Variants in SPOCK3 observed in about 807,000 individuals in gnomAD.
The protein encoded by SPOCK3 is SPARC (osteonectin), cwcv and kazal like domains proteoglycan 3, also known as testican-3.
SPOCK3 carries 30 observed loss-of-function variants against 56.6 expected under a neutral mutation model. The observed-to-expected ratio is 0.53, with a 90% CI of 0.40 to 0.72. SPOCK3 has a LOEUF of 0.72. Among genes scored for constraint, SPOCK3 ranks in the 30% least tolerant of loss-of-function variants. The probability of loss-of-function intolerance (pLI) is 0.00; values close to 1 mark genes in which losing one functional copy is unlikely to be tolerated. For missense variants in SPOCK3, 527 were observed against 530.0 expected, an observed-to-expected ratio of 0.99 and a Z score of 0.06; for synonymous variants, 196 against 183.3, an observed-to-expected ratio of 1.07 and a Z score of -0.56.
At chr4:166,990,672 C>T (rs534160064) in intron 4 of SPOCK3, among the ~76,000 whole-genome samples, 3 of 152,038 alleles carry the variant, frequency 2.0e-5, no homozygotes, top group South Asian at 4.1e-4. Context: ...CTCTAATTTA[C>T]CCAAAATGTT....
chr4:166,957,932 C>T (rs1056751328), intron 4 of SPOCK3, among the ~76,000 whole-genome samples: 31 of 152,082 alleles, frequency 2.0e-4, no homozygotes, highest in African/African-American at 5.3e-4. Context: ...AATGCTGGAA[C>T]AGGTGAAGAA....
intron 8 of SPOCK3, among the ~76,000 whole-genome samples, chr4:166,752,571 T>TACAC (rs1491363175): frequency 3.3e-3 from 44 of 13,324 alleles, no homozygotes; most frequent in African/African-American, 0.011. Context: ...TATATATATA[T>TACAC]ATACACACAC....
chr4:166,990,166 A>T (rs1747615217), intron 4 of SPOCK3, among the ~76,000 whole-genome samples: 1 of 152,208 alleles, frequency 6.6e-6, no homozygotes, highest in Non-Finnish European at 1.5e-5. Context: ...AAAGAGGAAC[A>T]TCATCCTTTG....
At chr4:166,741,134 A>G (rs1734800057) in intron 9 of SPOCK3, among the ~76,000 whole-genome samples, 1 of 152,218 alleles carries the variant, frequency 6.6e-6, no homozygotes, top group Admixed American at 6.6e-5. Flanking sequence ...GTGTGTTAAT[A>G]TCCGTGAAAA....
At chr4:166,916,003 A>G (rs1737807387) in intron 4 of SPOCK3, among the ~76,000 whole-genome samples, 1 of 152,160 alleles carries the variant, frequency 6.6e-6, no homozygotes, top group Non-Finnish European at 1.5e-5. Flanking sequence ...TGACTTTCAG[A>G]CAATTATTTT....
intron 4 of SPOCK3, among the ~76,000 whole-genome samples, chr4:166,952,159 G>A (rs950654876): frequency 3.9e-5 from 6 of 152,122 alleles, no homozygotes; most frequent in East Asian, 1.9e-4. Context: ...GTTTGCAGAC[G>A]ACATGATTGT....
At chr4:167,131,602 C>G (rs778016841) in intron 2 of SPOCK3, among the ~76,000 whole-genome samples, 46 of 151,850 alleles carry the variant, frequency 3.0e-4, no homozygotes, top group Non-Finnish European at 5.6e-4. Context: ...GACTCCGTCC[C>G]CCACAAAAAA....
chr4:166,869,569 T>C (rs1001593918), intron 6 of SPOCK3, among the ~76,000 whole-genome samples: 1 of 151,842 alleles, frequency 6.6e-6, no homozygotes, highest in Non-Finnish European at 1.5e-5. Context: ...GATAGCATTA[T>C]ACACCAGTAC....
intron 6 of SPOCK3, among the ~76,000 whole-genome samples, chr4:166,806,655 T>C (rs1385333690): frequency 2.0e-5 from 3 of 152,078 alleles, no homozygotes; most frequent in Admixed American, 1.3e-4. Context: ...GACAACATTT[T>C]AGTAAAATTT....
chr4:166,938,686 T>C (rs948500743), intron 4 of SPOCK3, among the ~76,000 whole-genome samples: 2 of 151,440 alleles, frequency 1.3e-5, no homozygotes, highest in African/African-American at 2.4e-5. Flanking sequence ...ATGAAGAGAA[T>C]AGAAAAAACA....
chr4:166,899,861 T>A (rs1053422884), intron 5 of SPOCK3, among the ~76,000 whole-genome samples: 2 of 152,188 alleles, frequency 1.3e-5, no homozygotes, highest in African/African-American at 4.8e-5. Flanking sequence ...TTTACAATGC[T>A]TATCTCTCTA....
chr4:167,128,956 T>C (rs936880749), intron 2 of SPOCK3, among the ~76,000 whole-genome samples: 1 of 152,050 alleles, frequency 6.6e-6, no homozygotes, highest in Admixed American at 6.6e-5. Context: ...TACCAGACTG[T>C]GGAGTGAAAT....
intron 4 of SPOCK3, among the ~76,000 whole-genome samples, chr4:166,938,403 A>T (rs1201196121): frequency 6.6e-6 from 1 of 152,150 alleles, no homozygotes; most frequent in Non-Finnish European, 1.5e-5. Context: ...TGAATACAGG[A>T]AGTATACATT....
intron 4 of SPOCK3, among the ~76,000 whole-genome samples, chr4:166,961,145 G>A (rs569887979): frequency 2.0e-4 from 31 of 151,774 alleles, no homozygotes; most frequent in African/African-American, 7.2e-4. Flanking sequence ...CAACCTTGGC[G>A]AAGTACAAAA....
chr4:166,844,961 A>T (rs1747903485), intron 6 of SPOCK3, among the ~76,000 whole-genome samples: 1 of 152,152 alleles, frequency 6.6e-6, no homozygotes, highest in South Asian at 2.1e-4. Context: ...TTCTTTGTTG[A>T]TATTTGGATT....
chr4:167,094,108 A>G (rs1472649635), intron 2 of SPOCK3, among the ~76,000 whole-genome samples: 2 of 152,148 alleles, frequency 1.3e-5, no homozygotes, highest in African/African-American at 4.8e-5. Context: ...CCCTGCAAAT[A>G]TTTTGTATTT....
chr4:167,066,164 AT>A (rs1756112810), intron 2 of SPOCK3, among the ~76,000 whole-genome samples: 1 of 151,808 alleles, frequency 6.6e-6, no homozygotes, highest in South Asian at 2.1e-4. Context: ...TTTTTCTCTA[AT>A]TTTAAATAAA....
chr4:166,961,783 T>C (rs1395812757), intron 4 of SPOCK3, among the ~76,000 whole-genome samples: 1 of 152,126 alleles, frequency 6.6e-6, no homozygotes, highest in Non-Finnish European at 1.5e-5. Context: ...TTATTTTAAT[T>C]GTTAAACTAA....
intron 2 of SPOCK3, among the ~76,000 whole-genome samples, chr4:167,074,645 G>A (rs1757008518): frequency 6.6e-6 from 1 of 151,882 alleles, no homozygotes; most frequent in Non-Finnish European, 1.5e-5. Context: ...TGTTTTTGGA[G>A]AAGTGAGTCA....
Sources: gnomAD v4.1 joint callset for allele counts (sites outside exome capture counted in the v4.1 genomes callset) on GRCh38, gnomAD v4.1.1 for gene constraint, MANE v1.5 for transcripts, NCBI Gene and HGNC (gene_info 2026-07-23, HGNC 2026-07-21) for gene names.